DPP10: variants seen among roughly 807,000 people sequenced by gnomAD.
DPP10 encodes the protein dipeptidyl peptidase like 10.
A neutral mutation model predicts 120.9 loss-of-function variants in DPP10; 33 were observed. The observed-to-expected ratio is 0.27, with a 90% confidence interval of 0.21 to 0.37. DPP10 has a LOEUF of 0.37. Ranked by LOEUF, DPP10 falls within the 10% of genes least tolerant of loss-of-function variation. DPP10 has a pLI of 1.00. For synonymous variants in DPP10, 337 were observed against 326.1 expected, an observed-to-expected ratio of 1.03 and a Z score of -0.36; for missense variants, 816 against 942.8, an observed-to-expected ratio of 0.87 and a Z score of 1.76.
chr2:115,564,905 C>A (rs1233687293), intron 5 of DPP10, among the ~76,000 whole-genome samples: 1 of 152,076 alleles, frequency 6.6e-6, no homozygotes, highest in Non-Finnish European at 1.5e-5. Flanking sequence ...GGAGGCAGGT[C>A]CTGGGCTTAG....
At chr2:114,976,318 T>C (rs1042278549) in intron 1 of DPP10, among the ~76,000 whole-genome samples, 7 of 152,174 alleles carry the variant, frequency 4.6e-5, no homozygotes, top group Non-Finnish European at 1.0e-4. Context: ...AATTTTTCTA[T>C]TATTTTGTCT....
intron 3 of DPP10, among the ~76,000 whole-genome samples, chr2:115,441,142 G>A (rs1403725616): frequency 6.6e-6 from 1 of 152,098 alleles, no homozygotes; most frequent in Non-Finnish European, 1.5e-5. Flanking sequence ...CAATCTTAAC[G>A]TCAGAAGATT....
At chr2:114,676,584 G>A (rs1573945191) in intron 1 of DPP10, among the ~76,000 whole-genome samples, 1 of 151,954 alleles carries the variant, frequency 6.6e-6, no homozygotes, top group Non-Finnish European at 1.5e-5. Context: ...CTAAAACTTG[G>A]TTGTGCATTC....
rs143307259 is a variant in DPP10 at position 115,366,783 on chromosome 2, C to T, written c.271+22871C>T. 2.8e-4 allele frequency among the ~76,000 whole-genome samples: 43 copies of T among 152,230 alleles called. 1 individual carries two copies. The East Asian group carries it at 6.8e-3, about 24-fold the overall frequency. On this transcript the variant is annotated intron_variant, in intron 3 of 25. Transcript: ENST00000410059. ...TTCTCAGTGTCTAATCAAATTCCAA[C>T]TGTTGCATTCCTGTAATAATTGATA...
chr2:115,504,549 A>T (rs981122945), intron 4 of DPP10, among the ~76,000 whole-genome samples: 9 of 152,100 alleles, frequency 5.9e-5, no homozygotes, highest in South Asian at 2.1e-4. Flanking sequence ...ATATTTATTT[A>T]AAAATGATTA....
At chr2:114,697,749 CAAAAAAAA>C (rs1205351658) in intron 1 of DPP10, among the ~76,000 whole-genome samples, 3 of 89,070 alleles carry the variant, frequency 3.4e-5, no homozygotes, top group Admixed American at 1.2e-4. Context: ...GACTCTGTCT[CAAAAAAAA>C]AAAAAAAAAA....
intron 1 of DPP10, among the ~76,000 whole-genome samples, chr2:114,530,542 C>G (rs1263259171): frequency 1.3e-5 from 2 of 152,060 alleles, no homozygotes; most frequent in African/African-American, 4.8e-5. Context: ...CATTTAGTTG[C>G]TCTCAGGTCA....
Position 115,133,153 on chromosome 2 carries a change from A to G in DPP10, c.61-176086A>G, listed in dbSNP as rs1170807563. The stretch of plus-strand genomic sequence containing the variant: ...TGTGTGTGTGTGTGTGTGTATATAT[A>G]TATATATATATATATATATATATAG... On this transcript the variant is annotated intron_variant, in intron 1 of 25. Coordinates refer to ENST00000410059, the MANE Select transcript of DPP10 (RefSeq NM_020868.6). Among the ~76,000 whole-genome samples the G allele has an allele frequency of 1.3e-3, 155 of 118,268 alleles. 1 individual carries two copies. The highest frequency in any genetic ancestry group is 5.2e-3 in the African/African-American group (139 of 26,968). The allele number at this position is 118,268 out of a possible 152,430, so 77.6% of individuals were successfully genotyped here.
At chr2:114,663,666 T>TAGAGAGAGAGAGAGAGAGAGAGAGAGAG (rs1264946349) in intron 1 of DPP10, among the ~76,000 whole-genome samples, 5 of 92,608 alleles carry the variant, frequency 5.4e-5, no homozygotes, top group African/African-American at 3.3e-4. Flanking sequence ...TATATATATA[T>TAGAGAGAGAGAGAGAGAGAGAGAGAGAG]ATAGAGAGAG....
At chr2:114,559,255 T>A (rs1425229657) in intron 1 of DPP10, among the ~76,000 whole-genome samples, 1 of 152,130 alleles carries the variant, frequency 6.6e-6, no homozygotes, top group East Asian at 1.9e-4. Context: ...TTAGGTACAA[T>A]ATAATCACAA....
intron 12 of DPP10, among the ~76,000 whole-genome samples, chr2:115,763,074 C>A (rs1039742787): frequency 3.9e-5 from 6 of 152,094 alleles, no homozygotes; most frequent in Non-Finnish European, 7.4e-5. Context: ...ATGAACATGA[C>A]GGACTAAAAA....
chr2:115,634,129 C>T (rs2086124863), intron 5 of DPP10, among the ~76,000 whole-genome samples: 1 of 152,118 alleles, frequency 6.6e-6, no homozygotes, highest in Admixed American at 6.5e-5. Flanking sequence ...TGTTTTTCAG[C>T]TCCATCCGGT....
intron 1 of DPP10, among the ~76,000 whole-genome samples, chr2:115,091,171 A>ACAC (rs1709223083): frequency 6.6e-6 from 1 of 152,202 alleles, no homozygotes; most frequent in Non-Finnish European, 1.5e-5. Flanking sequence ...GATCAAGGCA[A>ACAC]CACCAATGGC....
At chr2:114,791,595 T>C (rs527514562) in intron 1 of DPP10, among the ~76,000 whole-genome samples, 1 of 152,146 alleles carries the variant, frequency 6.6e-6, no homozygotes, top group African/African-American at 2.4e-5. Flanking sequence ...AAAAAAAAAA[T>C]CTTATGTAAG....
At chr2:115,179,764 C>T (rs767894358) in intron 1 of DPP10, among the ~76,000 whole-genome samples, 4 of 152,156 alleles carry the variant, frequency 2.6e-5, no homozygotes, top group African/African-American at 4.8e-5. Context: ...ATATTCCTCT[C>T]TATTCCATCA....
intron 1 of DPP10, among the ~76,000 whole-genome samples, chr2:114,643,807 C>A (rs747795753): frequency 6.6e-6 from 1 of 151,262 alleles, no homozygotes; most frequent in Non-Finnish European, 1.5e-5. Context: ...TTTTCACCAC[C>A]TTGGTTTGGT....
At chr2:115,432,727 G>C (rs902695763) in intron 3 of DPP10, among the ~76,000 whole-genome samples, 1 of 144,780 alleles carries the variant, frequency 6.9e-6, no homozygotes, top group Admixed American at 7.1e-5. Flanking sequence ...TATCAATGGG[G>C]CAATGTTCCC....
chr2:115,327,980 A>G (rs2062465138), intron 2 of DPP10, among the ~76,000 whole-genome samples: 1 of 152,066 alleles, frequency 6.6e-6, no homozygotes, highest in Non-Finnish European at 1.5e-5. Flanking sequence ...CAAGGACAAT[A>G]ATGTCTTCGT....
intron 1 of DPP10, among the ~76,000 whole-genome samples, chr2:114,937,154 A>C (rs906247720): frequency 3.3e-5 from 5 of 152,128 alleles, no homozygotes; most frequent in African/African-American, 1.2e-4. Context: ...CCTGGTCATG[A>C]AGTCTTTGCC....
Sources: gnomAD v4.1 joint callset for allele counts (sites outside exome capture counted in the v4.1 genomes callset) on GRCh38, gnomAD v4.1.1 for gene constraint, MANE v1.5 for transcripts, NCBI Gene and HGNC (gene_info 2026-07-23, HGNC 2026-07-21) for gene names.